The following LRCH2 variants were observed in gnomAD, a reference collection of about 807,000 sequenced individuals.
LRCH2 encodes leucine-rich repeat and calponin homology domain-containing protein 2.
In LRCH2, 38 loss-of-function variants were observed where a neutral mutation model predicts 68.9. That is an observed-to-expected ratio of 0.55 (90% CI 0.43 to 0.72). The LOEUF is 0.72. LRCH2 is among the 30% of genes least tolerant of loss of function. The pLI, the probability that LRCH2 is intolerant of heterozygous loss-of-function variation, is 0.00. For synonymous variants in LRCH2, 191 were observed against 208.1 expected (o/e 0.92, Z 0.71); for missense variants, 528 against 572.9 (o/e 0.92, Z 0.80).
At chrX:115,230,087 G>T (rs782427822) in intron 1 of LRCH2, among the ~76,000 whole-genome samples, 1 of 111,726 alleles carries the variant, frequency 9.0e-6, no homozygotes, top group Non-Finnish European at 1.9e-5. Context: ...GATTTGTTTG[G>T]GTAACAATTA....
chrX:115,192,360 G>A, intron 1 of LRCH2: 2 of 1,079,072 alleles, frequency 1.9e-6, no homozygotes, highest in Non-Finnish European at 2.5e-6. Context: ...GTTACGGCCT[G>A]AGCGACCGCT....
At chrX:115,150,127 T>A in intron 12 of LRCH2, 57 bp from the exon 13 acceptor site, 1 of 866,049 alleles carries the variant, frequency 1.2e-6, no homozygotes. Flanking sequence ...TCCTTAAATA[T>A]ATATTATGAA....
At chrX:115,199,221 A>T (rs1198890335) in intron 1 of LRCH2, among the ~76,000 whole-genome samples, 1 of 112,605 alleles carries the variant, frequency 8.9e-6, no homozygotes, top group Non-Finnish European at 1.9e-5. Flanking sequence ...AACCAAAGGC[A>T]AACATTCCAA....
rs781910121 is a variant in LRCH2, at chrX:115,123,167, T to C, written c.1875A>G (p.Glu625=). The C allele has an allele frequency of 9.1e-6, 11 of 1,207,304 alleles. No individual in the cohort carries two copies. The East Asian group carries it at 3.0e-4, about 33-fold the overall frequency. ...RSAFSRSSRQ[E]YGAADPGFTM... The stretch of plus-strand genomic sequence containing the variant: ...TAAATCCTGGATCTGCTGCCCCATA[T>C]TCTTGGCGAGATGAGCGGCTAAAAG... Residue 625 remains glutamate (E), a synonymous_variant, in exon 18 of 21, where the codon GAA becomes GAG. Coordinates refer to ENST00000317135, the MANE Select transcript of LRCH2 (RefSeq NM_020871.4).
chrX:115,190,675 G>T, intron 1 of LRCH2: 1 of 1,152,042 alleles, frequency 8.7e-7, no homozygotes, highest in Admixed American at 2.7e-5. Context: ...CAACAGTTAC[G>T]GCCAGAGCCA....
intron 14 of LRCH2, among the ~76,000 whole-genome samples, chrX:115,142,249 C>A (rs782393267): frequency 7.1e-5 from 8 of 111,928 alleles, no homozygotes; most frequent in Middle Eastern, 4.7e-3. Flanking sequence ...CAGCACTGGA[C>A]AGATCTCCCA....
chrX:115,124,794 T>C (rs1477733791), intron 16 of LRCH2, among the ~76,000 whole-genome samples: 1 of 112,017 alleles, frequency 8.9e-6, no homozygotes, highest in Non-Finnish European at 1.9e-5. Context: ...TCTCTTCAGC[T>C]GTAAAATGAT....
At chrX:115,141,370 A>G (rs1362612312) in intron 14 of LRCH2, among the ~76,000 whole-genome samples, 1 of 111,660 alleles carries the variant, frequency 9.0e-6, no homozygotes, top group African/African-American at 3.3e-5. Flanking sequence ...GACATCAATC[A>G]ACATATGTAA....
chrX:115,148,203 T>C (rs1055188026), intron 14 of LRCH2, among the ~76,000 whole-genome samples: 9 of 112,653 alleles, frequency 8.0e-5, no homozygotes, highest in South Asian at 3.6e-4. Context: ...CTCTGCCACT[T>C]ATTACTAAGT....
chrX:115,152,007 G>A (rs2072435538), intron 12 of LRCH2, among the ~76,000 whole-genome samples: 1 of 111,438 alleles, frequency 9.0e-6, no homozygotes, highest in African/African-American at 3.3e-5. Context: ...ATTTTCATCT[G>A]AGCGTACTGA....
In LRCH2 at chrX:115,122,833, A is replaced by G; in HGVS notation, c.2027T>C (p.Val676Ala). ...ATGATTGGCTAAATGGCAAAGAACAACCCCATCCATCAGTGCAGCTCCAAT... is the reference window on the plus strand; with the variant it reads ...ATGATTGGCTAAATGGCAAAGAACAGCCCCATCCATCAGTGCAGCTCCAAT... ...DDIGAALMDG[V>A]VLCHLANHIR... is the part of the protein sequence containing the mutation. Residue 676 changes from valine to alanine, a missense_variant, in exon 19 of 21, where the codon GTT (valine) becomes GCT (alanine). Physicochemically the swap from Val to Ala is moderately conservative, Grantham distance 64. Coordinates refer to ENST00000317135, the MANE Select transcript of LRCH2 (RefSeq NM_020871.4). 1 of 1,209,943 alleles carries G rather than the reference A, an allele frequency of 8.3e-7. No homozygotes were observed. Among genetic ancestry groups the G allele is most frequent in the African/African-American group, 1.7e-5 (1 of 57,756 alleles).
rs186030782 is a variant in LRCH2 at position 115,197,786 on chromosome X, T to C, written c.350-9416A>G. On this transcript the variant is annotated intron_variant, in intron 1 of 20. Coordinates refer to ENST00000317135, the MANE Select transcript of LRCH2 (RefSeq NM_020871.4). ...CTCTCTCTCTCTCTCACTCTCGCTC[T>C]CTACTACACTCCAGCCTGGGCAACA... 1.4e-3 allele frequency among the ~76,000 whole-genome samples: 128 copies of C among 93,446 alleles called. 2 individuals carry two copies. Among genetic ancestry groups the C allele is most frequent in the Admixed American group, 2.8e-3 (22 of 7,762 alleles). 81.1% of individuals were successfully genotyped at this position (93,446 alleles called of 115,157 possible).
At position 115,198,578 on chromosome X, in the gene LRCH2, C is replaced by T. The variant is rs782551264; in HGVS notation, c.350-10208G>A. 5.2e-5 allele frequency: 8 copies of T among 154,336 alleles called. No homozygotes were observed. The East Asian group carries it at 1.3e-3, about 26-fold the overall frequency. The allele number at this position is 154,336 out of a possible 1,213,427, so 12.7% of individuals were successfully genotyped here. A position where few individuals can be genotyped will look rare whatever the true frequency, so the allele number is the denominator to read the frequency against. On this transcript the variant is annotated intron_variant, in intron 1 of 20. Coordinates refer to ENST00000317135, the MANE Select transcript of LRCH2 (RefSeq NM_020871.4). ...GGGGCATGATCCAAGAGGTATGTGG[C>T]TTCACCCCATACGAGCGGTGCACCA...
intron 1 of LRCH2, among the ~76,000 whole-genome samples, chrX:115,205,934 G>A (rs970987784): frequency 5.4e-4 from 40 of 74,538 alleles, no homozygotes; most frequent in African/African-American, 1.9e-3. Context: ...GCAAAACTCT[G>A]TCTCACAAAA....
chrX:115,144,044 A>T (rs1199607959), intron 14 of LRCH2, among the ~76,000 whole-genome samples: 7 of 111,793 alleles, frequency 6.3e-5, no homozygotes, highest in Non-Finnish European at 1.3e-4. Context: ...GTGGGAGGTA[A>T]CTAAATCATG....
chrX:115,209,960 T>C (rs938353642), intron 1 of LRCH2, among the ~76,000 whole-genome samples: 17 of 111,339 alleles, frequency 1.5e-4, no homozygotes, highest in African/African-American at 5.6e-4. Flanking sequence ...GAGTATCTGG[T>C]GGAAGAAATT....
intron 14 of LRCH2, among the ~76,000 whole-genome samples, chrX:115,142,865 T>G (rs2072350911): frequency 9.0e-6 from 1 of 111,339 alleles, no homozygotes; most frequent in South Asian, 3.7e-4. Flanking sequence ...TTTGGGAGCG[T>G]GAGGTGGGCA....
intron 1 of LRCH2, among the ~76,000 whole-genome samples, chrX:115,201,003 A>G (rs2072926278): frequency 8.9e-6 from 1 of 111,775 alleles, no homozygotes; most frequent in South Asian, 3.8e-4. Context: ...GGACTAGGCA[A>G]TTTACAAAAC....
In LRCH2 at chrX:115,149,814, TAA is replaced by T; in HGVS notation, c.1695+11_1695+12del. 1.9e-6 allele frequency: 2 copies of T among 1,054,572 alleles called. No homozygotes were observed. Among genetic ancestry groups the T allele is most frequent in the Non-Finnish European group, 2.6e-6 (2 of 775,244 alleles). 86.9% of individuals were successfully genotyped at this position (1,054,572 alleles called of 1,213,427 possible). On this transcript the variant is annotated intron_variant, in intron 14 of 20. Coordinates refer to ENST00000317135, the MANE Select transcript of LRCH2 (RefSeq NM_020871.4). ...TAATTACAAAGTAAATTTAAAAACT[TAA>T]TATAGAGTACCTTGAAATATTCTTT... is the stretch of plus-strand genomic sequence containing the variant.
Sources: allele counts gnomAD v4.1 joint callset (sites outside exome capture counted in the v4.1 genomes callset), GRCh38; gene constraint gnomAD v4.1.1; transcripts MANE v1.5; gene names NCBI Gene and HGNC (gene_info 2026-07-23, HGNC 2026-07-21).